ZNF248: variants seen among roughly 807,000 people sequenced by gnomAD.
ZNF248 encodes zinc finger protein 248.
ZNF248 carries 20 observed loss-of-function variants against 44.3 expected under a neutral mutation model. The observed-to-expected ratio is 0.45, with a 90% CI of 0.32 to 0.66. ZNF248 has a LOEUF of 0.66. Among genes scored for constraint, ZNF248 ranks in the 30% least tolerant of loss-of-function variants. The probability of loss-of-function intolerance (pLI) is 0.04; values close to 1 mark genes in which losing one functional copy is unlikely to be tolerated. For synonymous variants in ZNF248, 224 were observed against 229.0 expected (o/e 0.98, Z 0.20); for missense variants, 654 against 677.0 (o/e 0.97, Z 0.38).
chr10:37,789,999 T>C (rs896742745), intron 6 of ZNF248, among the ~76,000 whole-genome samples: 36 of 151,744 alleles, frequency 2.4e-4, no homozygotes, highest in Non-Finnish European at 4.4e-4. Context: ...CCATGGCTCA[T>C]GCCTGTAATC....
the ZNF248 span, among the ~76,000 whole-genome samples, chr10:37,758,997 G>C: frequency 2.0e-5 from 3 of 152,162 alleles, no homozygotes; most frequent in African/African-American, 7.2e-5. Flanking sequence ...ATGCTCTGCT[G>C]TCCTGTGCTA....
the ZNF248 span, among the ~76,000 whole-genome samples, chr10:37,766,432 G>A: frequency 6.6e-6 from 1 of 152,186 alleles, no homozygotes; most frequent in African/African-American, 2.4e-5. Context: ...CGATCAGGCA[G>A]CAGCATTTGC....
intron 6 of ZNF248, among the ~76,000 whole-genome samples, chr10:37,807,009 A>T (rs2050669687): frequency 6.6e-6 from 1 of 151,448 alleles, no homozygotes; most frequent in Admixed American, 6.6e-5. Flanking sequence ...TTTGAGACAG[A>T]GTCTCACTCT....
chr10:37,852,132 A>G (rs1453230765), intron 3 of ZNF248, among the ~76,000 whole-genome samples: 2 of 152,194 alleles, frequency 1.3e-5, no homozygotes, highest in African/African-American at 4.8e-5. Context: ...CTGTAATCCC[A>G]GCTACTCGGG....
rs557710657 is a variant in ZNF248 at position 37,817,532 on chromosome 10, T to G, written c.330+15493A>C. Among the ~76,000 whole-genome samples the G allele has an allele frequency of 2.1e-4, 32 of 152,192 alleles. No homozygotes were observed. The South Asian group carries it at 2.3e-3, about 11-fold the overall frequency. On this transcript the variant is annotated intron_variant, in intron 6 of 6. Transcript: ENST00000615949. ...AACCCACACATCTCAGTACTCCCAC[T>G]CAATTTTTTCCCTACTGAGGAGGGA...
At chr10:37,760,729 G>A in the ZNF248 span, among the ~76,000 whole-genome samples, 1 of 152,040 alleles carries the variant, frequency 6.6e-6, no homozygotes, top group Non-Finnish European at 1.5e-5. Context: ...AGCTACTCAG[G>A]GGGCCGAGGC....
chr10:37,845,262 C>T (rs2059134470), intron 3 of ZNF248, among the ~76,000 whole-genome samples: 1 of 151,926 alleles, frequency 6.6e-6, no homozygotes, highest in Non-Finnish European at 1.5e-5. Flanking sequence ...AAGCGATTCA[C>T]CTGCCTTAGC....
intron 1 of ZNF248, chr10:37,856,820 G>T (rs771256035): frequency 1.4e-6 from 1 of 706,006 alleles, no homozygotes; most frequent in Non-Finnish European, 1.7e-6. Flanking sequence ...GTGATATAGA[G>T]TAACAAAATG....
chr10:37,854,813 T>C (rs1447403142), intron 3 of ZNF248, among the ~76,000 whole-genome samples: 1 of 152,182 alleles, frequency 6.6e-6, no homozygotes, highest in Non-Finnish European at 1.5e-5. Flanking sequence ...TACTAGGCAA[T>C]TGTGACAAAG....
At chr10:37,841,770 C>T (rs1475524532) in intron 3 of ZNF248, among the ~76,000 whole-genome samples, 1 of 152,192 alleles carries the variant, frequency 6.6e-6, no homozygotes, top group Non-Finnish European at 1.5e-5. Context: ...TAGGATGTGA[C>T]TGAATGACAC....
chr10:37,813,330 G>A (rs1308063852), intron 6 of ZNF248, among the ~76,000 whole-genome samples: 3 of 152,080 alleles, frequency 2.0e-5, no homozygotes, highest in African/African-American at 7.2e-5. Context: ...CAAACAATAG[G>A]ACTGTTACTG....
At chr10:37,789,302 A>AG (rs398114262) in intron 6 of ZNF248, among the ~76,000 whole-genome samples, 1 of 151,828 alleles carries the variant, frequency 6.6e-6, no homozygotes, top group Non-Finnish European at 1.5e-5. Flanking sequence ...AAAAAAAAAA[A>AG]CTGCTAAAAA....
chr10:37,846,839 T>G (rs113936785), intron 3 of ZNF248, among the ~76,000 whole-genome samples: 41 of 152,210 alleles, frequency 2.7e-4, no homozygotes, highest in African/African-American at 9.9e-4. Flanking sequence ...AAGGAAAATC[T>G]TCAATAAATA....
At chr10:37,806,363 A>G (rs924721785) in intron 6 of ZNF248, among the ~76,000 whole-genome samples, 1 of 151,986 alleles carries the variant, frequency 6.6e-6, no homozygotes, top group South Asian at 2.1e-4. Context: ...CACATCCTCA[A>G]CTACACTTGA....
At chr10:37,791,446 T>G (rs1193527032) in intron 6 of ZNF248, 1 of 152,190 alleles carries the variant, frequency 6.6e-6, no homozygotes, top group East Asian at 1.9e-4. Context: ...AGCACACTAT[T>G]ACTTTCAGGT....
the ZNF248 span, among the ~76,000 whole-genome samples, chr10:37,767,857 CAGTG>C: frequency 5.3e-5 from 8 of 152,270 alleles, no homozygotes; most frequent in South Asian, 2.1e-4. Flanking sequence ...CAAGACCCAT[CAGTG>C]TGCTGTATTC....
downstream of ZNF248, among the ~76,000 whole-genome samples, chr10:37,772,730 C>G (rs549545050): frequency 2.6e-5 from 4 of 152,224 alleles, no homozygotes; most frequent in South Asian, 8.3e-4. Flanking sequence ...CTGTTGATAA[C>G]CTGACAGGGA....
At chr10:37,819,703 T>C (rs2053144695) in intron 6 of ZNF248, 1 of 785,664 alleles carries the variant, frequency 1.3e-6, no homozygotes, top group Non-Finnish European at 2.4e-6. Context: ...TGAAGATTTC[T>C]TCTTGTTCAT....
At chr10:37,774,237 G>C (rs552629826), downstream of ZNF248, among the ~76,000 whole-genome samples, 1 of 152,188 alleles carries the variant, frequency 6.6e-6, no homozygotes, top group African/African-American at 2.4e-5. Flanking sequence ...AACTGGGAGA[G>C]AATACATTTC....
Sources: allele counts gnomAD v4.1 joint callset (sites outside exome capture counted in the v4.1 genomes callset), GRCh38; gene constraint gnomAD v4.1.1; transcripts MANE v1.5; gene names NCBI Gene and HGNC (gene_info 2026-07-23, HGNC 2026-07-21).